Variants in TTC21A observed in about 807,000 individuals in gnomAD.
TTC21A encodes tetratricopeptide repeat protein 21A.
A neutral mutation model predicts 156.4 loss-of-function variants in TTC21A; 128 were observed. That is an observed-to-expected ratio of 0.82 (90% CI 0.71 to 0.95). TTC21A has a LOEUF of 0.95. Ranked by LOEUF, TTC21A falls within the 40% of genes least tolerant of loss-of-function variation. TTC21A has a pLI of 0.00. For missense variants in TTC21A, 1,435 were observed against 1,602.3 expected (o/e 0.90, Z 1.78); for synonymous variants, 587 against 617.1 (o/e 0.95, Z 0.72).
intron 15 of TTC21A, 26 bp downstream of exon 15, chr3:39,129,336 CA>C (rs769579402): frequency 6.5e-7 from 1 of 1,531,536 alleles, no homozygotes; most frequent in Non-Finnish European, 9.0e-7. Flanking sequence ...AGCACAATGA[CA>C]GCTTCTTCTC....
Position 39,110,134 on chromosome 3 carries a change from T to A in TTC21A, c.263T>A (p.Ile88Asn). Residue 88 changes from isoleucine (I) to asparagine (N), a missense_variant, in exon 3 of 29, where the codon ATC becomes AAC. Ile to Asn is a moderately radical substitution (Grantham distance 149). Transcript: ENST00000683103. ...ATTTATGCTCACAAAAGATGTGAAA[T>A]CATTGGTGAGTGCCACCATGCTCAA... The part of the protein sequence containing the change: ...ALIYAHKRCE[I>N]IDREAIQELE... 1 of 1,613,024 alleles carries A rather than the reference T, an allele frequency of 6.2e-7. No individual in the cohort carries two copies. Among genetic ancestry groups the A allele is most frequent in the Non-Finnish European group, 8.5e-7 (1 of 1,179,164 alleles).
intron 7 of TTC21A, 121 bp downstream of exon 7, chr3:39,118,274 T>C: frequency 2.1e-6 from 2 of 941,832 alleles, no homozygotes; most frequent in South Asian, 2.6e-5. Context: ...CTTCCTCTTT[T>C]CTACCCCACC....
At chr3:39,126,224 CA>C (rs756404152) in intron 11 of TTC21A, 36 bp from the exon 12 acceptor site, 49 of 1,612,862 alleles carry the variant, frequency 3.0e-5, no homozygotes, top group Non-Finnish European at 4.1e-5. Flanking sequence ...TAGAATAGGG[CA>C]AACCTACTCC....
Position 39,137,624 on chromosome 3 carries a change from T to C in TTC21A, c.3589T>C (p.Trp1197Arg). 6.2e-7 allele frequency: 1 copy of C among 1,614,220 alleles called. No individual in the cohort carries two copies. Among genetic ancestry groups the C allele is most frequent in the Non-Finnish European group, 8.5e-7 (1 of 1,180,030 alleles). The change falls in exon 26 of 29, where the codon TGG becomes CGG. Residue 1197 changes from tryptophan (W) to arginine (R), a missense_variant. Trp to Arg is a moderately radical substitution (Grantham distance 101, BLOSUM62 -3). Coordinates refer to ENST00000683103, the MANE Select transcript of TTC21A (RefSeq NM_001366900.1). ...TGAGGCTGAGGACCTGGAGAAGAGC[T>C]GGCTCCTGCTGGCTGACATTTACTG... is the stretch of plus-strand genomic sequence containing the variant. ...LSEAEDLEKS[W>R]LLLADIYCQG...
rs1575549037 is a variant in TTC21A, at chr3:39,130,914, C to T, written c.2458+75C>T. ...TCCCCCATTCCCCATTAGCTGAAGT[C>T]CTGATCCCAGCGCTCCCCACCAACA... On this transcript the variant is annotated intron_variant, in intron 18 of 28. Coordinates refer to ENST00000683103, the MANE Select transcript of TTC21A (RefSeq NM_001366900.1). This position sits in a 1 kb window ranked among gnomAD's most constrained non-coding sequence, Gnocchi z 4.5. The T allele has an allele frequency of 3.1e-6, 5 of 1,608,752 alleles. No homozygotes were observed. The East Asian group carries it at 1.1e-4, about 36-fold the overall frequency.
At position 39,130,185 on chromosome 3, in the gene TTC21A, C is replaced by T. The variant is rs35052325; in HGVS notation, c.2208+34C>T. The T allele has an allele frequency of 0.12, 192,726 of 1,610,840 alleles. 11,992 individuals are homozygous for T. The highest frequency in any genetic ancestry group is 0.18 in the Admixed American group (10,468 of 59,612). On this transcript the variant is annotated intron_variant, in intron 16 of 28. Coordinates refer to ENST00000683103, the MANE Select transcript of TTC21A (RefSeq NM_001366900.1). This position sits in a 1 kb window ranked among gnomAD's most constrained non-coding sequence, Gnocchi z 4.5. ...GAGGCCTCACAGCCTTGCCAAGTGG[C>T]CCCCCAGTCTCCCTTCTCCAGTGGG... is the stretch of plus-strand genomic sequence containing the variant.
chr3:39,123,291 A>G (rs113254077), intron 9 of TTC21A, among the ~76,000 whole-genome samples: 133 of 152,368 alleles, frequency 8.7e-4, no homozygotes, highest in African/African-American at 3.0e-3. Flanking sequence ...TCAAGAATAA[A>G]TATACCAAAG....
chr3:39,137,483 TAGA>T lies in TTC21A; in HGVS notation c.3451_3453del (p.Lys1151del), dbSNP rs2125873589. On this transcript the variant is annotated splice_acceptor_variant and coding_sequence_variant, in exon 26 of 29. Coordinates refer to ENST00000683103, the MANE Select transcript of TTC21A (RefSeq NM_001366900.1). LOFTEE classifies it high-confidence loss of function. The stretch of plus-strand genomic sequence containing the variant: ...TGACGTCCACTTCCTACCTGGTGTG[TAGA>T]AGGACAGCGTCCCTGCCCTGCTGGC... The T allele has an allele frequency of 6.2e-6, 10 of 1,614,138 alleles. No homozygotes were observed. In the South Asian group the frequency reaches 8.8e-5, roughly 14 times the overall value.
chr3:39,128,539 C>T, intron 13 of TTC21A, 51 bp downstream of exon 13: 1 of 1,610,188 alleles, frequency 6.2e-7, no homozygotes, highest in South Asian at 1.1e-5. Flanking sequence ...TAGCTGTGGC[C>T]CCTGTTTGCC....
rs115734165 is a variant in TTC21A at position 39,114,115 on chromosome 3, G to A, written c.559-470G>A. 5.4e-3 allele frequency among the ~76,000 whole-genome samples: 823 copies of A among 152,320 alleles called. 7 individuals are homozygous for A. Among genetic ancestry groups the A allele is most frequent in the African/African-American group, 0.019 (790 of 41,574 alleles). On this transcript the variant is annotated intron_variant, in intron 5 of 28. Coordinates refer to ENST00000683103, the MANE Select transcript of TTC21A (RefSeq NM_001366900.1). Reference sequence around the variant, plus strand: ...TTGACAGAACAACAACAAAAAAAACGCCACAACCTTGCTATAGAAGTAGTT... The same window carrying A: ...TTGACAGAACAACAACAAAAAAAACACCACAACCTTGCTATAGAAGTAGTT...
chr3:39,118,091 A>G lies in TTC21A; in HGVS notation c.739A>G (p.Asn247Asp). The G allele has an allele frequency of 1.2e-6, 2 of 1,614,016 alleles. No homozygotes were observed. The highest frequency in any genetic ancestry group is 1.1e-5 in the South Asian group (1 of 91,082). The change falls in exon 7 of 29, where the codon AAT becomes GAT. Residue 247 changes from asparagine (N) to aspartate (D), a missense_variant. Asn to Asp is a conservative substitution (Grantham distance 23, BLOSUM62 1). Transcript: ENST00000683103. ...GHRILEKDES[N>D]IDACQILTVH... ...CAGAATCCTAGAAAAAGATGAGAGC[A>G]ATATTGATGCCTGCCAAATTCTAAC...
chr3:39,125,315 G>C lies in TTC21A; in HGVS notation c.1192-17G>C, dbSNP rs138500340. 1 of 1,612,054 alleles carries C rather than the reference G, an allele frequency of 6.2e-7. No homozygotes were observed. The highest frequency in any genetic ancestry group is 8.5e-7 in the Non-Finnish European group (1 of 1,178,916). ...CAGGCTGACATTGGCACTGAGACTC[G>C]GTCCTCTCTTCCACAGGTGCTAATT... On this transcript the variant is annotated splice_polypyrimidine_tract_variant and intron_variant, in intron 10 of 28. Transcript: ENST00000683103.
intron 9 of TTC21A, among the ~76,000 whole-genome samples, chr3:39,122,254 T>C (rs1017680491): frequency 4.0e-5 from 6 of 150,940 alleles, no homozygotes; most frequent in South Asian, 2.1e-4. Flanking sequence ...GAGGTTGATA[T>C]GAGCCGAGAT....
chr3:39,125,745 G>C (rs1004368955), intron 11 of TTC21A, among the ~76,000 whole-genome samples: 1 of 152,202 alleles, frequency 6.6e-6, no homozygotes, highest in African/African-American at 2.4e-5. Context: ...GACTCTACAG[G>C]GGGGTCTAAA....
At chr3:39,116,187 C>G (rs2037276649) in intron 6 of TTC21A, among the ~76,000 whole-genome samples, 1 of 152,242 alleles carries the variant, frequency 6.6e-6, no homozygotes, top group Non-Finnish European at 1.5e-5. Context: ...GAATCCAGTG[C>G]CCCAGCGTGT....
chr3:39,114,900 T>C (rs2037148687), intron 6 of TTC21A, among the ~76,000 whole-genome samples, 158 bp downstream of exon 6: 1 of 151,994 alleles, frequency 6.6e-6, no homozygotes, highest in Non-Finnish European at 1.5e-5. Context: ...AGAGCAGGGA[T>C]GGGTGCAAGC....
rs767423899 is a variant in TTC21A at position 39,128,778 on chromosome 3, A to C, written c.1742A>C (p.Tyr581Ser). The C allele has an allele frequency of 6.2e-7, 1 of 1,614,072 alleles. No individual in the cohort carries two copies. Among genetic ancestry groups the C allele is most frequent in the East Asian group, 2.2e-5 (1 of 44,902 alleles). ...KARALNKAGDYPEAIKTLKMV... is the reference protein window; with the variant it reads ...KARALNKAGDSPEAIKTLKMV... ...AGGGCCCTCAACAAGGCTGGAGACT[A>C]TCCAGAGGCCATAAAGACGCTGAAA... The change falls in exon 14 of 29, where the codon TAT (tyrosine) becomes TCT (serine). Residue 581 changes from tyrosine to serine, a missense_variant. Transcript: ENST00000683103.
chr3:39,126,520 A>ACACACC, intron 12 of TTC21A, 130 bp downstream of exon 12: 2 of 821,736 alleles, frequency 2.4e-6, no homozygotes, highest in Non-Finnish European at 3.6e-6. Flanking sequence ...ACACACACAC[A>ACACACC]CTCTCCTTGC....
chr3:39,138,056 G>C, intron 26 of TTC21A: 1 of 666,456 alleles, frequency 1.5e-6, no homozygotes, highest in Non-Finnish European at 2.5e-6. Flanking sequence ...CAGGGAAAGG[G>C]GTTACGCCAG....
Sources: allele counts gnomAD v4.1 joint callset (sites outside exome capture counted in the v4.1 genomes callset), GRCh38; gene constraint gnomAD v4.1.1; non-coding constraint Gnocchi (gnomAD v3.1); transcripts MANE v1.5; gene names NCBI Gene and HGNC (gene_info 2026-07-23, HGNC 2026-07-21).